Variants in CSMD2 observed in about 807,000 individuals in gnomAD.
CSMD2 encodes CUB and sushi domain-containing protein 2.
In CSMD2, 130 loss-of-function variants were observed where a neutral mutation model predicts 398.5. That is an observed-to-expected ratio of 0.33 (90% CI 0.28 to 0.38). The LOEUF is 0.38. CSMD2 is among the 10% of genes least tolerant of loss of function. The pLI, the probability that CSMD2 is intolerant of heterozygous loss-of-function variation, is 1.00. For missense variants in CSMD2, 3,829 were observed against 4,764.9 expected, an observed-to-expected ratio of 0.80 and a Z score of 5.78; for synonymous variants, 1,828 against 1,908.5, an observed-to-expected ratio of 0.96 and a Z score of 1.10.
chr1:34,085,234 G>A (rs1657722752), intron 2 of CSMD2, among the ~76,000 whole-genome samples: 2 of 152,184 alleles, frequency 1.3e-5, no homozygotes, highest in East Asian at 1.9e-4. Flanking sequence ...CTGTTGTGGG[G>A]TGGGGTTAGG....
At chr1:33,995,319 A>C (rs1646692674) in intron 3 of CSMD2, among the ~76,000 whole-genome samples, 1 of 152,198 alleles carries the variant, frequency 6.6e-6, no homozygotes, top group Non-Finnish European at 1.5e-5. Context: ...GCTTTACCAA[A>C]GTTGGACTCA....
intron 26 of CSMD2, among the ~76,000 whole-genome samples, chr1:33,659,141 C>G (rs376822485): frequency 3.3e-5 from 5 of 152,312 alleles, no homozygotes; most frequent in African/African-American, 1.2e-4. Context: ...CAGGAATTTG[C>G]GACGTCTTCG....
chr1:33,994,226 T>C (rs1486167120), intron 3 of CSMD2, among the ~76,000 whole-genome samples: 1 of 152,066 alleles, frequency 6.6e-6, no homozygotes, highest in Non-Finnish European at 1.5e-5. Context: ...AAATAGGACA[T>C]AATAATCCAT....
intron 8 of CSMD2, among the ~76,000 whole-genome samples, 188 bp downstream of exon 8, chr1:33,820,281 C>T (rs1322493890): frequency 2.0e-5 from 3 of 152,158 alleles, no homozygotes; most frequent in African/African-American, 7.2e-5. Flanking sequence ...CCCACTAAAG[C>T]ATGGGCACTA....
chr1:34,165,213 A>C lies in CSMD2; in HGVS notation c.-116T>G. On this transcript the variant is annotated 5_prime_UTR_variant, in exon 1 of 71. Transcript: ENST00000373381. ...AAAATCCCGGTACGCGGGAGCCCTGAGCTTCTGCGGCTGGAATGAACCAAG... is the reference window on the plus strand; with the variant it reads ...AAAATCCCGGTACGCGGGAGCCCTGCGCTTCTGCGGCTGGAATGAACCAAG... 8.6e-7 allele frequency: 1 copy of C among 1,166,730 alleles called. No individual in the cohort carries two copies. The highest frequency in any genetic ancestry group is 1.6e-5 in the African/African-American group (1 of 61,978). The allele number at this position is 1,166,730 out of a possible 1,614,324, so 72.3% of individuals were successfully genotyped here. A position where few individuals can be genotyped will look rare whatever the true frequency, so the allele number is the denominator to read the frequency against.
chr1:33,924,026 C>G (rs1210089061), intron 4 of CSMD2, among the ~76,000 whole-genome samples: 3 of 152,222 alleles, frequency 2.0e-5, no homozygotes, highest in Non-Finnish European at 4.4e-5. Flanking sequence ...TGGACACACA[C>G]AGCCTTCCCA....
intron 29 of CSMD2, among the ~76,000 whole-genome samples, chr1:33,641,167 T>G (rs1044217961): frequency 6.6e-6 from 1 of 152,196 alleles, no homozygotes; most frequent in Non-Finnish European, 1.5e-5. Context: ...CCTGTTGTTT[T>G]CTTTCCTAAC....
In CSMD2 at chr1:33,825,901, G is replaced by A; in HGVS notation, c.1034-127C>T. 5 of 708,292 alleles carry A rather than the reference G, an allele frequency of 7.1e-6. No individual in the cohort carries two copies. The South Asian group carries it at 9.0e-5, about 13-fold the overall frequency. 43.9% of individuals were successfully genotyped at this position (708,292 alleles called of 1,614,324 possible). A position where few individuals can be genotyped will look rare whatever the true frequency, so the allele number is the denominator to read the frequency against. ...GGTGGGTCAAAGCCAGGAACTTCTG[G>A]GCTGGGACATTCCAAGGGTAGTGGT... On this transcript the variant is annotated intron_variant, in intron 6 of 70. Transcript: ENST00000373381.
chr1:34,038,710 G>T (rs950377726), intron 2 of CSMD2, among the ~76,000 whole-genome samples: 1 of 152,156 alleles, frequency 6.6e-6, no homozygotes, highest in African/African-American at 2.4e-5. Context: ...GTCTTCTTTG[G>T]TCAAGGCCAT....
At chr1:33,711,886 C>T (rs757593246) in intron 21 of CSMD2, among the ~76,000 whole-genome samples, 9 of 152,186 alleles carry the variant, frequency 5.9e-5, no homozygotes, top group African/African-American at 1.2e-4. Context: ...CAGGTCCTGA[C>T]TCCCTGTCAG....
At chr1:34,020,573 C>T (rs550714775) in intron 3 of CSMD2, among the ~76,000 whole-genome samples, 6 of 152,164 alleles carry the variant, frequency 3.9e-5, no homozygotes, top group South Asian at 2.1e-4. Flanking sequence ...TAGGGGTAGG[C>T]GAGTGGGGCA....
chr1:33,537,116 C>T lies in CSMD2; in HGVS notation c.9806-21G>A. 1 of 1,613,750 alleles carries T rather than the reference C, an allele frequency of 6.2e-7. No homozygotes were observed. The highest frequency in any genetic ancestry group is 8.5e-7 in the Non-Finnish European group (1 of 1,179,654). Reference sequence around the variant, plus strand: ...CGGATCTGGATGGCCAAAACAAAGACACAGATCACATGGTCATGGAAGCCT... The same window carrying T: ...CGGATCTGGATGGCCAAAACAAAGATACAGATCACATGGTCATGGAAGCCT... On this transcript the variant is annotated intron_variant, in intron 61 of 70. Coordinates refer to ENST00000373381, the MANE Select transcript of CSMD2 (RefSeq NM_001281956.2). This position sits in a 1 kb window ranked among gnomAD's most constrained non-coding sequence, Gnocchi z 4.6.
Position 33,622,291 on chromosome 1 carries a change from G to A in CSMD2, c.5723-20C>T. The A allele has an allele frequency of 6.3e-7, 1 of 1,592,704 alleles. No homozygotes were observed. The highest frequency in any genetic ancestry group is 8.6e-7 in the Non-Finnish European group (1 of 1,160,778). ...TTGTTCCTAGGGCAAGGACACCAGG[G>A]AAAACCATTTAAGTTTGGCTCCTCC... is the stretch of plus-strand genomic sequence containing the variant. On this transcript the variant is annotated intron_variant, in intron 36 of 70. Transcript: ENST00000373381.
Position 33,918,128 on chromosome 1 carries a change from G to A in CSMD2, c.886C>T (p.Leu296=). 1 of 1,614,072 alleles carries A rather than the reference G, an allele frequency of 6.2e-7. No homozygotes were observed. The highest frequency in any genetic ancestry group is 1.1e-5 in the South Asian group (1 of 91,078). The change falls in exon 5 of 71, where the codon CTG becomes TTG. Residue 296 remains leucine (L), a synonymous_variant. Coordinates refer to ENST00000373381, the MANE Select transcript of CSMD2 (RefSeq NM_001281956.2). The part of the protein sequence containing the change: ...DFQLEDGYDF[L]EVTGTEGSSL... ...GAGCCTTCTGTCCCAGTGACTTCCA[G>A]AAAGTCGTAACCATCCTCCAGCTGG...
At chr1:34,123,895 G>A (rs1375064846) in intron 1 of CSMD2, among the ~76,000 whole-genome samples, 1 of 152,182 alleles carries the variant, frequency 6.6e-6, no homozygotes, top group Non-Finnish European at 1.5e-5. Flanking sequence ...CAACTAGGAA[G>A]TAGTAGAGTA....
chr1:33,695,567 G>A (rs912053471), intron 24 of CSMD2, among the ~76,000 whole-genome samples: 1 of 152,192 alleles, frequency 6.6e-6, no homozygotes, highest in African/African-American at 2.4e-5. Flanking sequence ...CTAAACCTGT[G>A]TGGTATTATT....
intron 1 of CSMD2, among the ~76,000 whole-genome samples, chr1:34,111,548 C>T (rs1661077378): frequency 1.3e-5 from 2 of 152,240 alleles, no homozygotes; most frequent in Admixed American, 1.3e-4. Context: ...GTGTGCCCCA[C>T]ACAATCATGA....
Position 33,624,627 on chromosome 1 carries a change from G to A in CSMD2, c.5517C>T (p.Asn1839=). Residue 1839 remains asparagine (N), a synonymous_variant, in exon 35 of 71, where the codon AAC becomes AAT. Coordinates refer to ENST00000373381, the MANE Select transcript of CSMD2 (RefSeq NM_001281956.2). This position sits in a 1 kb window ranked among gnomAD's most constrained non-coding sequence, Gnocchi z 4.7. The stretch of plus-strand genomic sequence containing the variant: ...GGATGGTGCCCCTGCGCTCTGTGAG[G>A]TTGCCTCCACACGGCACTGGGAGGA... ...APTCVVPCGG[N]LTERRGTILS... 6.2e-7 allele frequency: 1 copy of A among 1,613,594 alleles called. No homozygotes were observed. The highest frequency in any genetic ancestry group is 8.5e-7 in the Non-Finnish European group (1 of 1,179,676).
At chr1:33,810,295 T>C (rs1656709868) in intron 10 of CSMD2, among the ~76,000 whole-genome samples, 1 of 152,174 alleles carries the variant, frequency 6.6e-6, no homozygotes, top group African/African-American at 2.4e-5. Flanking sequence ...TTGAGTGAGG[T>C]TGATTAAGAA....
Sources: gnomAD v4.1 joint callset for allele counts (sites outside exome capture counted in the v4.1 genomes callset) on GRCh38, gnomAD v4.1.1 for gene constraint, Gnocchi (gnomAD v3.1) non-coding constraint, MANE v1.5 for transcripts, NCBI Gene and HGNC (gene_info 2026-07-23, HGNC 2026-07-21) for gene names.